Variants in MAP2K1 observed in about 807,000 individuals in gnomAD.
MAP2K1 encodes dual specificity mitogen-activated protein kinase kinase 1.
A neutral mutation model predicts 46.3 loss-of-function variants in MAP2K1; 16 were observed. The ratio of observed to expected loss-of-function variants is 0.35; its 90% confidence interval spans 0.23 to 0.52. The LOEUF (loss-of-function observed/expected upper bound fraction) is 0.52, where lower values mean the gene tolerates loss of function less well. Among genes scored for constraint, MAP2K1 ranks in the 20% least tolerant of loss-of-function variants. The pLI, the probability that MAP2K1 is intolerant of heterozygous loss-of-function variation, is 0.94. For missense variants in MAP2K1, 263 were observed against 497.1 expected, an observed-to-expected ratio of 0.53 and a Z score of 4.48; for synonymous variants, 183 against 185.6, an observed-to-expected ratio of 0.99 and a Z score of 0.11.
intron 1 of MAP2K1, among the ~76,000 whole-genome samples, chr15:66,424,488 G>C (rs1442041546): frequency 4.6e-5 from 7 of 152,264 alleles, no homozygotes; most frequent in African/African-American, 1.7e-4. Context: ...CTGTTAGCCA[G>C]ATTTGAGCTG....
chr15:66,449,024 A>AC (rs1891959284), intron 5 of MAP2K1, among the ~76,000 whole-genome samples: 1 of 150,918 alleles, frequency 6.6e-6, no homozygotes, highest in Non-Finnish European at 1.5e-5. Context: ...AAAAAAAAAA[A>AC]AAAACAACAA....
At chr15:66,489,954 C>G (rs554803216) in intron 10 of MAP2K1, 191 bp downstream of exon 10, 2 of 663,370 alleles carry the variant, frequency 3.0e-6, no homozygotes, top group Admixed American at 2.2e-5. Context: ...CTGGGGTGAC[C>G]CCCGCAGCCT....
rs1237844626 is a variant in MAP2K1, at chr15:66,420,754, T to TGC, written c.81-14272_81-14271insCG. On this transcript the variant is annotated intron_variant, in intron 1 of 10. Coordinates refer to ENST00000307102, the MANE Select transcript of MAP2K1 (RefSeq NM_002755.4). Reference sequence around the variant, plus strand: ...GTGTGTGTGTGTGTGTGTGTGTGTGTGTGTGTATGTGTGTATATATATGTG... The same window carrying TGC: ...GTGTGTGTGTGTGTGTGTGTGTGTGTGCGTGTGTATGTGTGTATATATATGTG... 5.3e-4 allele frequency among the ~76,000 whole-genome samples: 28 copies of TGC among 52,586 alleles called. 4 individuals are homozygous for TGC. Among genetic ancestry groups the TGC allele is most frequent in the African/African-American group, 1.4e-3 (26 of 18,186 alleles). The allele number at this position is 52,586 out of a possible 152,430, so 34.5% of individuals were successfully genotyped here. A position where few individuals can be genotyped will look rare whatever the true frequency, so the allele number is the denominator to read the frequency against.
intron 1 of MAP2K1, among the ~76,000 whole-genome samples, chr15:66,404,272 A>C (rs950193674): frequency 6.6e-6 from 1 of 152,160 alleles, no homozygotes; most frequent in African/African-American, 2.4e-5. Context: ...GAATCACTTG[A>C]ACCAGGGAGG....
chr15:66,476,266 T>A (rs1228989271), intron 5 of MAP2K1, among the ~76,000 whole-genome samples: 1 of 152,178 alleles, frequency 6.6e-6, no homozygotes, highest in Non-Finnish European at 1.5e-5. Context: ...CCTCTCAGCA[T>A]CACCTTTCAG....
In MAP2K1 at chr15:66,396,995, C is replaced by CTTTT. The variant is rs57043037; in HGVS notation, c.80+9592_80+9595dup. Among the ~76,000 whole-genome samples the CTTTT allele has an allele frequency of 1.2e-3, 46 of 39,278 alleles. 3 individuals are homozygous for CTTTT. Among genetic ancestry groups the CTTTT allele is most frequent in the African/African-American group, 3.8e-3 (38 of 9,996 alleles). The allele number at this position is 39,278 out of a possible 152,430, so 25.8% of individuals were successfully genotyped here. ...CTACCATGCCTGGCCTGTAACGCTT[C>CTTTT]TTTTTTTTTTTTTTTTTTTTTTTTT... On this transcript the variant is annotated intron_variant, in intron 1 of 10. Coordinates refer to ENST00000307102, the MANE Select transcript of MAP2K1 (RefSeq NM_002755.4).
chr15:66,479,581 G>C (rs1892864517), intron 5 of MAP2K1, among the ~76,000 whole-genome samples: 1 of 152,212 alleles, frequency 6.6e-6, no homozygotes, highest in African/African-American at 2.4e-5. Context: ...CTGTGGGGTA[G>C]GGGAGTGACA....
chr15:66,439,492 C>T (rs2093497723), intron 3 of MAP2K1, among the ~76,000 whole-genome samples: 1 of 152,130 alleles, frequency 6.6e-6, no homozygotes. Context: ...AATGGCCAGA[C>T]ACGGTAGCTC....
chr15:66,419,725 T>C lies in MAP2K1; in HGVS notation c.81-15302T>C, dbSNP rs77068528. On this transcript the variant is annotated intron_variant, in intron 1 of 10. Coordinates refer to ENST00000307102, the MANE Select transcript of MAP2K1 (RefSeq NM_002755.4). ...TCCTCTGTGTGTGTGTATGTGTGTG[T>C]TTTTCAACATGACTGCAGAAACATG... Among the ~76,000 whole-genome samples the C allele has an allele frequency of 2.9e-3, 447 of 152,196 alleles. 1 individual carries two copies. Among genetic ancestry groups the C allele is most frequent in the African/African-American group, 0.01 (416 of 41,514 alleles).
chr15:66,478,273 T>G (rs1892808743), intron 5 of MAP2K1, among the ~76,000 whole-genome samples: 1 of 140,950 alleles, frequency 7.1e-6, no homozygotes, highest in Non-Finnish European at 1.5e-5. Flanking sequence ...TATATATATT[T>G]AACATATATA....
chr15:66,417,111 C>T (rs972909146), intron 1 of MAP2K1, among the ~76,000 whole-genome samples: 2 of 152,040 alleles, frequency 1.3e-5, no homozygotes, highest in African/African-American at 4.8e-5. Context: ...GACTTATTTC[C>T]CCACCCCACA....
intron 5 of MAP2K1, chr15:66,446,749 G>T: frequency 6.0e-6 from 2 of 335,196 alleles, no homozygotes; most frequent in South Asian, 2.7e-5. Flanking sequence ...CTTATAGCCG[G>T]CAAAAATGGC....
At chr15:66,442,132 C>A (rs1385531732) in intron 3 of MAP2K1, among the ~76,000 whole-genome samples, 1 of 152,204 alleles carries the variant, frequency 6.6e-6, no homozygotes, top group Non-Finnish European at 1.5e-5. Context: ...CCATTCATGT[C>A]ATCTCATCTC....
At chr15:66,410,458 G>T (rs976377530) in intron 1 of MAP2K1, among the ~76,000 whole-genome samples, 16 of 152,054 alleles carry the variant, frequency 1.1e-4, no homozygotes, top group Non-Finnish European at 2.1e-4. Flanking sequence ...TGGAGAGAGA[G>T]AAAAAATAGT....
At chr15:66,420,071 C>T (rs574016436) in intron 1 of MAP2K1, among the ~76,000 whole-genome samples, 17 of 151,760 alleles carry the variant, frequency 1.1e-4, no homozygotes, top group African/African-American at 4.1e-4. Flanking sequence ...TGGTGAAATC[C>T]TGTCTCTACT....
chr15:66,490,134 T>TA (rs1301862124), intron 10 of MAP2K1: 2 of 512,486 alleles, frequency 3.9e-6, no homozygotes, highest in Admixed American at 3.2e-5. Context: ...GCAGTGGAAA[T>TA]AGCTAAGTAA....
At chr15:66,441,268 T>G (rs1189991799) in intron 3 of MAP2K1, among the ~76,000 whole-genome samples, 1 of 152,112 alleles carries the variant, frequency 6.6e-6, no homozygotes, top group Non-Finnish European at 1.5e-5. Context: ...ACCTGGTTTG[T>G]TTTTTCCTTT....
At chr15:66,458,208 C>G (rs1330516487) in intron 5 of MAP2K1, among the ~76,000 whole-genome samples, 1 of 152,132 alleles carries the variant, frequency 6.6e-6, no homozygotes, top group Non-Finnish European at 1.5e-5. Flanking sequence ...GGATACTGCT[C>G]TCTTTCATTC....
chr15:66,429,247 A>AGG (rs1042169061), intron 1 of MAP2K1, among the ~76,000 whole-genome samples: 1 of 152,166 alleles, frequency 6.6e-6, no homozygotes, highest in African/African-American at 2.4e-5. Context: ...CATAAGGCAA[A>AGG]GGGGAAGCAA....
Sources: gnomAD v4.1 joint callset for allele counts (sites outside exome capture counted in the v4.1 genomes callset) on GRCh38, gnomAD v4.1.1 for gene constraint, MANE v1.5 for transcripts, NCBI Gene and HGNC (gene_info 2026-07-23, HGNC 2026-07-21) for gene names.